Variants in LAMA1 observed in about 807,000 individuals in gnomAD.
The protein encoded by LAMA1 is laminin subunit alpha 1, also known as laminin subunit alpha-1.
LAMA1 carries 219 observed loss-of-function variants against 348.7 expected under a neutral mutation model. That is an observed-to-expected ratio of 0.63 (90% confidence interval 0.56 to 0.70). The LOEUF (loss-of-function observed/expected upper bound fraction) is 0.70. Among genes scored for constraint, LAMA1 ranks in the 30% least tolerant of loss-of-function variants. The pLI is 0.00. For missense variants in LAMA1, 3,744 were observed against 3,888.0 expected (o/e 0.96, Z 0.99); for synonymous variants, 1,487 against 1,491.0 (o/e 1.00, Z 0.06).
In LAMA1 at chr18:6,956,782, G is replaced by A. The variant is rs1486288315; in HGVS notation, c.7965-17C>T. The stretch of plus-strand genomic sequence containing the variant: ...TCCAAAAGTCTAGGTAGAAACAAGA[G>A]AGTGTTTTCAAAATTAGGATATCAC... On this transcript the variant is annotated splice_polypyrimidine_tract_variant and intron_variant, in intron 55 of 62. Transcript: ENST00000389658. The A allele has an allele frequency of 1.2e-6, 2 of 1,614,034 alleles. No homozygotes were observed. Among genetic ancestry groups the A allele is most frequent in the Non-Finnish European group, 1.7e-6 (2 of 1,180,012 alleles).
At chr18:6,984,792 C>T (rs1161288531) in intron 39 of LAMA1, among the ~76,000 whole-genome samples, 1 of 152,086 alleles carries the variant, frequency 6.6e-6, no homozygotes, top group East Asian at 1.9e-4. Context: ...AAGAGACTCC[C>T]AACACTTCTA....
chr18:6,976,838 G>A (rs534470617), intron 44 of LAMA1, among the ~76,000 whole-genome samples: 53 of 151,946 alleles, frequency 3.5e-4, no homozygotes, highest in African/African-American at 1.2e-3. Context: ...TCAAACTCCC[G>A]GCCTCAAGCA....
At chr18:6,963,388 C>G (rs1359421388) in intron 51 of LAMA1, among the ~76,000 whole-genome samples, 1 of 152,170 alleles carries the variant, frequency 6.6e-6, no homozygotes, top group African/African-American at 2.4e-5. Context: ...CTGGCTCCGT[C>G]TTGGCAGGAA....
chr18:7,101,179 T>C (rs567131792), intron 1 of LAMA1, among the ~76,000 whole-genome samples: 3 of 152,320 alleles, frequency 2.0e-5, no homozygotes, highest in African/African-American at 2.4e-5. Flanking sequence ...TGTGATTGTA[T>C]AGCACTCTAA....
intron 51 of LAMA1, among the ~76,000 whole-genome samples, chr18:6,964,371 A>G (rs1044193709): frequency 3.9e-5 from 6 of 152,290 alleles, no homozygotes; most frequent in South Asian, 4.1e-4. Context: ...GGAAGTCCTT[A>G]TGCAACATGA....
At chr18:7,028,530 G>T (rs972447125) in intron 16 of LAMA1, among the ~76,000 whole-genome samples, 2 of 152,214 alleles carry the variant, frequency 1.3e-5, no homozygotes, top group Non-Finnish European at 1.5e-5. Flanking sequence ...TTTCAAAACT[G>T]AAGGCAAGCC....
chr18:7,097,800 A>C (rs1002081936), intron 1 of LAMA1, among the ~76,000 whole-genome samples: 2 of 152,082 alleles, frequency 1.3e-5, no homozygotes, highest in Non-Finnish European at 2.9e-5. Context: ...CTGGATATCT[A>C]TATGCAAAAA....
chr18:6,981,330 C>G (rs1433797407), intron 41 of LAMA1, among the ~76,000 whole-genome samples: 1 of 152,122 alleles, frequency 6.6e-6, no homozygotes, highest in Non-Finnish European at 1.5e-5. Context: ...TGTAAAACCC[C>G]TAGGGTGGGC....
intron 61 of LAMA1, among the ~76,000 whole-genome samples, chr18:6,944,674 C>T (rs1012026321): frequency 6.6e-6 from 1 of 152,132 alleles, no homozygotes; most frequent in African/African-American, 2.4e-5. Context: ...GTCAAAGAGA[C>T]AGGCCTCAGA....
intron 6 of LAMA1, among the ~76,000 whole-genome samples, chr18:7,045,132 A>G (rs143126258): frequency 2.0e-5 from 3 of 152,334 alleles, no homozygotes; most frequent in African/African-American, 7.2e-5. Context: ...ACTCCTATTA[A>G]TAATTTTCTT....
chr18:7,009,080 A>G (rs2057846711), intron 27 of LAMA1, among the ~76,000 whole-genome samples, 159 bp downstream of exon 27: 1 of 152,202 alleles, frequency 6.6e-6, no homozygotes, highest in Non-Finnish European at 1.5e-5. Context: ...TATAATTCGC[A>G]CATTCCATAA....
chr18:6,980,431 T>A lies in LAMA1; in HGVS notation c.6007+90A>T, dbSNP rs2057705880. The A allele has an allele frequency of 5.6e-6, 5 of 893,530 alleles. No homozygotes were observed. The Admixed American group carries it at 8.7e-5, about 16-fold the overall frequency. The allele number at this position is 893,530 out of a possible 1,614,324, so 55.4% of individuals were successfully genotyped here. On this transcript the variant is annotated intron_variant, in intron 42 of 62. Coordinates refer to ENST00000389658, the MANE Select transcript of LAMA1 (RefSeq NM_005559.4). ...TCTCATTTTTGAGCTAAAGCCTTTA[T>A]CAGTCTTGAGGCAGGACTTCCTTAT...
At chr18:6,973,927 AC>A (rs1382351622) in intron 46 of LAMA1, among the ~76,000 whole-genome samples, 1 of 152,150 alleles carries the variant, frequency 6.6e-6, no homozygotes, top group Non-Finnish European at 1.5e-5. Context: ...CTACAGGCAC[AC>A]ACCACTGTGC....
At chr18:7,088,279 T>A (rs1199120131) in intron 1 of LAMA1, among the ~76,000 whole-genome samples, 1 of 152,102 alleles carries the variant, frequency 6.6e-6, no homozygotes, top group Non-Finnish European at 1.5e-5. Context: ...ATCTTATTGT[T>A]CTTGCTGCTG....
rs2057502563 is a variant in LAMA1, at chr18:6,942,346, A to T, written c.9068-107T>A. 3.4e-6 allele frequency: 4 copies of T among 1,159,928 alleles called. 1 individual carries two copies. The South Asian group carries it at 5.7e-5, about 17-fold the overall frequency. The allele number at this position is 1,159,928 out of a possible 1,614,324, so 71.9% of individuals were successfully genotyped here. ...TCAAGCGGGTTTTTTTATTTTTTAAATTTTTCACTATCAAAATTAGGAGAA... is the reference window on the plus strand; with the variant it reads ...TCAAGCGGGTTTTTTTATTTTTTAATTTTTTCACTATCAAAATTAGGAGAA... On this transcript the variant is annotated intron_variant, in intron 62 of 62. Coordinates refer to ENST00000389658, the MANE Select transcript of LAMA1 (RefSeq NM_005559.4).
rs535349283 is a variant in LAMA1, at chr18:6,985,166, T to C, written c.5660+71A>G. 203 of 1,554,476 alleles carry C rather than the reference T, an allele frequency of 1.3e-4. No homozygotes were observed. In the South Asian group the frequency reaches 2.0e-3, roughly 15 times the overall value. ...AGGAAGAGTGACCCATCACTGTGAA[T>C]AGAAACATCCATCTATTTCTCCGAT... is the stretch of plus-strand genomic sequence containing the variant. On this transcript the variant is annotated intron_variant, in intron 39 of 62. Transcript: ENST00000389658.
intron 1 of LAMA1, among the ~76,000 whole-genome samples, chr18:7,099,487 A>C (rs1054943088): frequency 6.5e-5 from 9 of 138,338 alleles, no homozygotes; most frequent in Non-Finnish European, 1.5e-4. Flanking sequence ...AATTTAAAAA[A>C]AAACAAAAAA....
chr18:7,104,269 G>A (rs914143690), intron 1 of LAMA1, among the ~76,000 whole-genome samples: 4 of 152,256 alleles, frequency 2.6e-5, no homozygotes, highest in South Asian at 2.1e-4. Flanking sequence ...GAGCCACCGC[G>A]TCCAGCCAAT....
chr18:6,968,887 A>C (rs576823356), intron 48 of LAMA1, among the ~76,000 whole-genome samples: 12 of 152,356 alleles, frequency 7.9e-5, no homozygotes, highest in African/African-American at 2.9e-4. Context: ...TAATGATTTA[A>C]TAATGGCAAA....
Sources: gnomAD v4.1 joint callset for allele counts (sites outside exome capture counted in the v4.1 genomes callset) on GRCh38, gnomAD v4.1.1 for gene constraint, MANE v1.5 for transcripts, NCBI Gene and HGNC (gene_info 2026-07-23, HGNC 2026-07-21) for gene names.